UGT1A7: variants seen among roughly 807,000 people sequenced by gnomAD.
The protein encoded by UGT1A7 is UDP glucuronosyltransferase family 1 member A7, also known as UDP-glucuronosyltransferase 1A7.
In UGT1A7, 33 loss-of-function variants were observed where a neutral mutation model predicts 45.6. That is an observed-to-expected ratio of 0.72 (90% CI 0.55 to 0.97). UGT1A7 has a LOEUF of 0.97. UGT1A7 is among the 50% of genes least tolerant of loss of function. UGT1A7 has a pLI of 0.00. For missense variants in UGT1A7, 684 were observed against 666.2 expected (o/e 1.03, Z -0.29); for synonymous variants, 274 against 250.6 (o/e 1.09, Z -0.88).
intron 1 of UGT1A7, among the ~76,000 whole-genome samples, chr2:233,695,635 A>T (rs1383639619): frequency 2.6e-5 from 4 of 151,066 alleles, no homozygotes; most frequent in Non-Finnish European, 2.9e-5. Context: ...CATGAGACCC[A>T]CTTTTTTAGC....
intron 1 of UGT1A7, among the ~76,000 whole-genome samples, chr2:233,764,017 G>T (rs3771342): frequency 0.13 from 19,852 of 152,188 alleles, 1,421 homozygotes; most frequent in East Asian, 0.2. Flanking sequence ...GACCCACATG[G>T]TGTCTAAGTG....
At chr2:233,721,327 T>A (rs1446598744) in intron 1 of UGT1A7, among the ~76,000 whole-genome samples, 1 of 152,156 alleles carries the variant, frequency 6.6e-6, no homozygotes, top group Admixed American at 6.5e-5. Flanking sequence ...TTCTTGTGGT[T>A]TTTCACTATG....
chr2:233,682,658 G>T lies in UGT1A7; in HGVS notation c.721G>T (p.Ala241Ser), dbSNP rs2074589486. Residue 241 changes from alanine to serine, a missense_variant, in exon 1 of 5, where the codon GCA becomes TCA. Coordinates refer to ENST00000373426, the MANE Select transcript of UGT1A7 (RefSeq NM_019077.3). Reference sequence around the variant, plus strand: ...TGAAATTCTCCAAACCCCTGTCACGGCATATGATCTCTACAGCCACACATC... The same window carrying T: ...TGAAATTCTCCAAACCCCTGTCACGTCATATGATCTCTACAGCCACACATC... ...ASEILQTPVT[A>S]YDLYSHTSIW... 16 of 1,613,826 alleles carry T rather than the reference G, an allele frequency of 9.9e-6. No homozygotes were observed. Among genetic ancestry groups the T allele is most frequent in the Non-Finnish European group, 1.3e-5 (15 of 1,179,828 alleles).
At chr2:233,683,218 T>C (rs1188153474) in intron 1 of UGT1A7, among the ~76,000 whole-genome samples, 1 of 152,202 alleles carries the variant, frequency 6.6e-6, no homozygotes, top group African/African-American at 2.4e-5. Context: ...ATTTTATCAA[T>C]ATAAAATCTA....
chr2:233,744,437 G>A (rs1405958246), intron 1 of UGT1A7, among the ~76,000 whole-genome samples: 1 of 151,860 alleles, frequency 6.6e-6, no homozygotes, highest in Non-Finnish European at 1.5e-5. Context: ...TCTATCATAC[G>A]TACTGCATTA....
At chr2:233,766,541 T>C (rs1699176762) in intron 1 of UGT1A7, among the ~76,000 whole-genome samples, 1 of 152,156 alleles carries the variant, frequency 6.6e-6, no homozygotes, top group Non-Finnish European at 1.5e-5. Context: ...AAAACAAAAA[T>C]GCCTGTCCTC....
chr2:233,693,131 AAGGATATAGTTG>A, intron 1 of UGT1A7: 2 of 1,614,212 alleles, frequency 1.2e-6, no homozygotes, highest in Non-Finnish European at 1.7e-6. Flanking sequence ...GCTTAGTATG[AAGGATATAGTTG>A]AGGTTCTCAG....
chr2:233,707,313 A>C (rs1246275498), intron 1 of UGT1A7, among the ~76,000 whole-genome samples: 1 of 152,146 alleles, frequency 6.6e-6, no homozygotes, highest in African/African-American at 2.4e-5. Flanking sequence ...TTTGTTACAT[A>C]GCTAAACATG....
rs115840798 is a variant in UGT1A7 at position 233,736,595 on chromosome 2, C to T, written c.856-30439C>T. Among the ~76,000 whole-genome samples, 665 of 152,242 alleles carry T rather than the reference C, an allele frequency of 4.4e-3. 8 individuals are homozygous for T. The highest frequency in any genetic ancestry group is 0.015 in the African/African-American group (625 of 41,542). ...ATCCTTTGGAGGAGATGTGCTTATG[C>T]GCTATGGTTTTTAGAATTTTCAGCT... is the stretch of plus-strand genomic sequence containing the variant. On this transcript the variant is annotated intron_variant, in intron 1 of 4. Transcript: ENST00000373426.
intron 1 of UGT1A7, chr2:233,729,145 G>T (rs564123639): frequency 1.9e-6 from 3 of 1,613,372 alleles, no homozygotes; most frequent in Non-Finnish European, 2.5e-6. Flanking sequence ...AGGACTCCAG[G>T]TTCCCCTGCC....
intron 1 of UGT1A7, among the ~76,000 whole-genome samples, chr2:233,696,717 C>G (rs1315267441): frequency 2.0e-5 from 3 of 152,058 alleles, no homozygotes; most frequent in Non-Finnish European, 4.4e-5. Context: ...TTTAGAGGAA[C>G]AGTTTTCAGT....
At chr2:233,713,867 T>C (rs2076352815) in intron 1 of UGT1A7, 2 of 1,613,882 alleles carry the variant, frequency 1.2e-6, no homozygotes, top group Non-Finnish European at 1.7e-6. Flanking sequence ...AGGTCTGTAT[T>C]GGTGCCTTTA....
At chr2:233,771,377 T>A (rs1700299205) in intron 4 of UGT1A7, 1 of 152,184 alleles carries the variant, frequency 6.6e-6, no homozygotes, top group Non-Finnish European at 1.5e-5. Flanking sequence ...CCGTTTTGGA[T>A]TGAGATGTTC....
At position 233,769,432 on chromosome 2, in the gene UGT1A7, C is replaced by T; in HGVS notation, c.1295+993C>T. On this transcript the variant is annotated intron_variant, in intron 4 of 4. Transcript: ENST00000373426. The surrounding 1 kb of genome is among the most constrained non-coding windows in gnomAD (Gnocchi z 4.4). Reference sequence around the variant, plus strand: ...GTGCGTTTGTGCATGTGGCTGTGCTCATGTGTGGGTGCACACGTGTGCATT... The same window carrying T: ...GTGCGTTTGTGCATGTGGCTGTGCTTATGTGTGGGTGCACACGTGTGCATT... 2 of 1,545,990 alleles carry T rather than the reference C, an allele frequency of 1.3e-6. No homozygotes were observed. The highest frequency in any genetic ancestry group is 1.8e-6 in the Non-Finnish European group (2 of 1,125,632).
intron 1 of UGT1A7, among the ~76,000 whole-genome samples, chr2:233,726,595 T>C (rs6715325): frequency 0.46 from 69,783 of 152,034 alleles, 16,487 homozygotes; most frequent in South Asian, 0.58. Flanking sequence ...TAAGAGCCCT[T>C]GTGATTACAC....
chr2:233,762,139 G>C (rs983754711), intron 1 of UGT1A7, among the ~76,000 whole-genome samples: 1 of 152,114 alleles, frequency 6.6e-6, no homozygotes, highest in African/African-American at 2.4e-5. Context: ...GGACCTGTGT[G>C]ACTTTGCATT....
At chr2:233,754,376 G>C (rs1425062905) in intron 1 of UGT1A7, 2 of 288,414 alleles carry the variant, frequency 6.9e-6, no homozygotes, top group African/African-American at 2.2e-5. Context: ...ATGATCGAAA[G>C]ACAAACAGAG....
intron 1 of UGT1A7, chr2:233,756,322 A>G (rs1437718635): frequency 6.6e-6 from 1 of 152,226 alleles, no homozygotes; most frequent in Non-Finnish European, 1.5e-5. Flanking sequence ...ATCCTCCTTT[A>G]AACCTCTAGT....
chr2:233,682,205 T>A lies in UGT1A7; in HGVS notation c.268T>A (p.Phe90Ile). 6.2e-7 allele frequency: 1 copy of A among 1,614,090 alleles called. No individual in the cohort carries two copies. The highest frequency in any genetic ancestry group is 8.5e-7 in the Non-Finnish European group (1 of 1,179,998). Residue 90 changes from phenylalanine (F) to isoleucine (I), a missense_variant, in exon 1 of 5, where the codon TTC (phenylalanine) becomes ATC (isoleucine). By Grantham distance (21) the Phe-to-Ile change is conservative. Coordinates refer to ENST00000373426, the MANE Select transcript of UGT1A7 (RefSeq NM_019077.3). ...SYTLEDQDRE[F>I]MVFADARWTA... Reference sequence around the variant, plus strand: ...CACTCTGGAGGATCAGGACCGGGAGTTCATGGTTTTTGCCGATGCTCGCTG... The same window carrying A: ...CACTCTGGAGGATCAGGACCGGGAGATCATGGTTTTTGCCGATGCTCGCTG...
Sources: allele counts gnomAD v4.1 joint callset (sites outside exome capture counted in the v4.1 genomes callset), GRCh38; gene constraint gnomAD v4.1.1; non-coding constraint Gnocchi (gnomAD v3.1); transcripts MANE v1.5; gene names NCBI Gene and HGNC (gene_info 2026-07-23, HGNC 2026-07-21).